TMEM39A: variants seen among roughly 807,000 people sequenced by gnomAD.
TMEM39A encodes suppressor of SQST-1 aggregates in rpl-43 mutants.
A neutral mutation model predicts 51.9 loss-of-function variants in TMEM39A; 19 were observed. That is an observed-to-expected ratio of 0.37 (90% CI 0.26 to 0.54). The LOEUF (loss-of-function observed/expected upper bound fraction) is 0.54, where lower values mean the gene tolerates loss of function less well. TMEM39A is among the 20% of genes least tolerant of loss of function. The probability of loss-of-function intolerance (pLI) is 0.88; values close to 1 mark genes in which losing one functional copy is unlikely to be tolerated. For synonymous variants in TMEM39A, 197 were observed against 220.2 expected, an observed-to-expected ratio of 0.89 and a Z score of 0.93; for missense variants, 433 against 590.5, an observed-to-expected ratio of 0.73 and a Z score of 2.76.
chr3:119,433,017 T>C (rs932336939), intron 8 of TMEM39A, among the ~76,000 whole-genome samples: 4 of 152,250 alleles, frequency 2.6e-5, no homozygotes, highest in African/African-American at 2.4e-5. Flanking sequence ...AATACAAACA[T>C]ATAGGCCACA....
chr3:119,440,877 A>G (rs1195357778), intron 5 of TMEM39A, among the ~76,000 whole-genome samples: 2 of 152,168 alleles, frequency 1.3e-5, no homozygotes, highest in Non-Finnish European at 2.9e-5. Flanking sequence ...CATCAAGCGT[A>G]TCTGGGGGTG....
chr3:119,433,312 C>T (rs988167145), intron 8 of TMEM39A, among the ~76,000 whole-genome samples: 8 of 152,102 alleles, frequency 5.3e-5, no homozygotes, highest in Non-Finnish European at 1.0e-4. Flanking sequence ...GAATCATTTC[C>T]AAATCCACAA....
chr3:119,434,961 T>C (rs2080948946), intron 7 of TMEM39A, 79 bp from the exon 8 acceptor site: 1 of 1,535,494 alleles, frequency 6.5e-7, no homozygotes, highest in Admixed American at 1.9e-5. Flanking sequence ...GCTGTATTTT[T>C]ATGGAAGGAA....
In TMEM39A at chr3:119,462,114, C is replaced by T; in HGVS notation, c.-40G>A. The T allele has an allele frequency of 6.6e-7, 1 of 1,521,524 alleles. No individual in the cohort carries two copies. Among genetic ancestry groups the T allele is most frequent in the African/African-American group, 1.4e-5 (1 of 73,176 alleles). The allele number at this position is 1,521,524 out of a possible 1,614,324, so 94.3% of individuals were successfully genotyped here. ...CTGCTTCCAGTGCCACCTGTAGTTG[C>T]AACCCAGGTTAATGGTTGTCAACCA... On this transcript the variant is annotated 5_prime_UTR_variant, in exon 2 of 9. Transcript: ENST00000319172.
At position 119,456,287 on chromosome 3, in the gene TMEM39A, T is replaced by A. The variant is rs1024200088; in HGVS notation, c.336+1731A>T. 2.6e-5 allele frequency among the ~76,000 whole-genome samples: 4 copies of A among 152,010 alleles called. No homozygotes were observed. The East Asian group carries it at 5.8e-4, about 22-fold the overall frequency. ...ACACTCAATAAGCTCTTAATCCAGA[T>A]AAGAAAAAAAGACTTAAAAAAAAAT... On this transcript the variant is annotated intron_variant, in intron 3 of 8. Transcript: ENST00000319172.
intron 8 of TMEM39A, among the ~76,000 whole-genome samples, chr3:119,434,481 A>G (rs1427104407): frequency 6.6e-6 from 1 of 152,206 alleles, no homozygotes; most frequent in Non-Finnish European, 1.5e-5. Flanking sequence ...GGAGTCTTAG[A>G]TAACTGCCTG....
At chr3:119,441,037 C>T (rs1318085442) in intron 5 of TMEM39A, among the ~76,000 whole-genome samples, 2 of 152,118 alleles carry the variant, frequency 1.3e-5, no homozygotes, top group Non-Finnish European at 2.9e-5. Flanking sequence ...CAAACTGCAC[C>T]ATATGAGACA....
chr3:119,452,933 A>G (rs2107683129), intron 3 of TMEM39A, among the ~76,000 whole-genome samples: 1 of 152,338 alleles, frequency 6.6e-6, no homozygotes, highest in South Asian at 2.1e-4. Context: ...TTGGTCTCTT[A>G]CACAAGCTTA....
At chr3:119,458,548 A>T (rs2081296144) in intron 2 of TMEM39A, among the ~76,000 whole-genome samples, 1 of 152,166 alleles carries the variant, frequency 6.6e-6, no homozygotes, top group East Asian at 1.9e-4. Context: ...TCCTGACCTT[A>T]GTTCATGGCC....
chr3:119,447,432 T>A (rs897802163), intron 4 of TMEM39A, among the ~76,000 whole-genome samples: 1 of 152,148 alleles, frequency 6.6e-6, no homozygotes, highest in South Asian at 2.1e-4. Flanking sequence ...TCATCTAATT[T>A]ATTAACATTG....
intron 5 of TMEM39A, among the ~76,000 whole-genome samples, chr3:119,440,222 G>T (rs2081032919): frequency 6.6e-6 from 1 of 152,110 alleles, no homozygotes; most frequent in Non-Finnish European, 1.5e-5. Flanking sequence ...TGTAATGATG[G>T]CCCCAATTCT....
intron 4 of TMEM39A, among the ~76,000 whole-genome samples, chr3:119,452,148 GT>G (rs756405298): frequency 6.6e-6 from 1 of 152,142 alleles, no homozygotes; most frequent in East Asian, 1.9e-4. Context: ...CGTATTAATA[GT>G]TACCTGAAAT....
Position 119,434,834 on chromosome 3 carries a change from G to A in TMEM39A, c.1161C>T (p.Ser387=), listed in dbSNP as rs1174641870. The A allele has an allele frequency of 6.2e-7, 1 of 1,613,776 alleles. No homozygotes were observed. The highest frequency in any genetic ancestry group is 1.7e-5 in the Admixed American group (1 of 59,998). ...IWPQGVLVRH[S]RCLYRAMGPY... ...GCCCCATGGCTCTATATAAACATCT[G>A]CTGTGCCGCACCAGCACCCCTTGAG... The change falls in exon 8 of 9, where the codon AGC becomes AGT. Residue 387 remains serine (S), a synonymous_variant. Coordinates refer to ENST00000319172, the MANE Select transcript of TMEM39A (RefSeq NM_018266.3).
rs1210201300 is a variant in TMEM39A, at chr3:119,430,564, T to C, written c.*1417A>G. On this transcript the variant is annotated 3_prime_UTR_variant, in exon 9 of 9. Transcript: ENST00000319172. ...GTGCCTACTGGTTAATATATATTTG[T>C]TGAATGGTTGAACAGACTCAGACTG... 2 of 152,094 alleles carry C rather than the reference T, an allele frequency of 1.3e-5. No individual in the cohort carries two copies. 9.4% of individuals were successfully genotyped at this position (152,094 alleles called of 1,614,324 possible).
chr3:119,450,037 G>A (rs2081178437), intron 4 of TMEM39A, among the ~76,000 whole-genome samples: 1 of 152,176 alleles, frequency 6.6e-6, no homozygotes, highest in Non-Finnish European at 1.5e-5. Flanking sequence ...TTTAATGGAA[G>A]GAAGGAAAGA....
rs542684236 is a variant in TMEM39A at position 119,440,293 on chromosome 3, C to T, written c.576-2190G>A. Among the ~76,000 whole-genome samples, 35 of 152,212 alleles carry T rather than the reference C, an allele frequency of 2.3e-4. 1 individual carries two copies. The South Asian group carries it at 7.3e-3, about 32-fold the overall frequency. On this transcript the variant is annotated intron_variant, in intron 5 of 8. Coordinates refer to ENST00000319172, the MANE Select transcript of TMEM39A (RefSeq NM_018266.3). ...CATGGCCCTCATTCTATGGGTGAGG[C>T]GACCTGCCCTATCCCCATACTGGGC... is the stretch of plus-strand genomic sequence containing the variant.
chr3:119,452,121 G>A (rs1305023399), intron 4 of TMEM39A, among the ~76,000 whole-genome samples: 1 of 152,160 alleles, frequency 6.6e-6, no homozygotes, highest in Non-Finnish European at 1.5e-5. Context: ...GCAATTGTAT[G>A]TGTACAGATA....
intron 2 of TMEM39A, among the ~76,000 whole-genome samples, chr3:119,461,234 T>C (rs1458515727): frequency 6.6e-6 from 1 of 151,942 alleles, no homozygotes; most frequent in South Asian, 2.1e-4. Flanking sequence ...AGAGCTCCAC[T>C]GAAATGATGA....
rs111822050 is a variant in TMEM39A at position 119,435,737 on chromosome 3, G to A, written c.1113-855C>T. The A allele has an allele frequency of 7.8e-4, 789 of 1,005,748 alleles. 4 individuals are homozygous for A. The African/African-American group carries it at 0.012, about 15-fold the overall frequency. 62.3% of individuals were successfully genotyped at this position (1,005,748 alleles called of 1,614,324 possible). A position where few individuals can be genotyped will look rare whatever the true frequency, so the allele number is the denominator to read the frequency against. On this transcript the variant is annotated intron_variant, in intron 7 of 8. Coordinates refer to ENST00000319172, the MANE Select transcript of TMEM39A (RefSeq NM_018266.3). ...TTCCCAGTTCAGAAAATGTTCCACC[G>A]GCCTTGCTCACACTTACCAGCATTA...
Sources: allele counts gnomAD v4.1 joint callset (sites outside exome capture counted in the v4.1 genomes callset), GRCh38; gene constraint gnomAD v4.1.1; transcripts MANE v1.5; gene names NCBI Gene and HGNC (gene_info 2026-07-23, HGNC 2026-07-21).